The following OPCML variants were observed in gnomAD, a reference collection of about 807,000 sequenced individuals.
The protein encoded by OPCML is opioid-binding protein/cell adhesion molecule.
In OPCML, 13 loss-of-function variants were observed where a neutral mutation model predicts 37.8. The observed-to-expected ratio is 0.34, with a 90% CI of 0.22 to 0.55. The LOEUF (loss-of-function observed/expected upper bound fraction) is 0.55, where lower values mean the gene tolerates loss of function less well. OPCML is among the 20% of genes least tolerant of loss of function. The pLI, the probability that OPCML is intolerant of heterozygous loss-of-function variation, is 0.91. For synonymous variants in OPCML, 176 were observed against 168.8 expected (o/e 1.04, Z -0.33); for missense variants, 341 against 435.6 (o/e 0.78, Z 1.93).
At chr11:132,558,305 TC>T in intron 3 of OPCML, among the ~76,000 whole-genome samples, 1 of 72,346 alleles carries the variant, frequency 1.4e-5, no homozygotes, top group Admixed American at 1.5e-4. Flanking sequence ...TCTCCCCTCC[TC>T]CTCTCCCCCT....
chr11:133,077,388 A>T (rs903084889), intron 1 of OPCML, among the ~76,000 whole-genome samples: 5 of 152,124 alleles, frequency 3.3e-5, no homozygotes, highest in African/African-American at 1.2e-4. Flanking sequence ...GCAATCTGAA[A>T]TCAAGAGTAA....
chr11:132,708,521 T>TC (rs1944129133), intron 2 of OPCML, among the ~76,000 whole-genome samples: 1 of 152,200 alleles, frequency 6.6e-6, no homozygotes, highest in African/African-American at 2.4e-5. Flanking sequence ...TCAGCTATAA[T>TC]CAAAGGGCTT....
At chr11:133,358,705 G>A (rs1944346693) in intron 1 of OPCML, among the ~76,000 whole-genome samples, 1 of 152,200 alleles carries the variant, frequency 6.6e-6, no homozygotes, top group African/African-American at 2.4e-5. Context: ...TGAGACAGTG[G>A]GGTAAGCACA....
intron 1 of OPCML, among the ~76,000 whole-genome samples, chr11:133,259,069 T>C (rs1156823311): frequency 6.6e-6 from 1 of 152,184 alleles, no homozygotes; most frequent in African/African-American, 2.4e-5. Flanking sequence ...CTTTGAAAGT[T>C]AGAGTGGATA....
At chr11:132,948,402 G>A (rs1945791428) in intron 1 of OPCML, among the ~76,000 whole-genome samples, 1 of 152,302 alleles carries the variant, frequency 6.6e-6, no homozygotes, top group African/African-American at 2.4e-5. Context: ...AATATTTCTG[G>A]CAGGCTCTGT....
intron 1 of OPCML, among the ~76,000 whole-genome samples, chr11:133,272,905 T>C (rs1465461299): frequency 6.6e-6 from 1 of 152,182 alleles, no homozygotes; most frequent in African/African-American, 2.4e-5. Flanking sequence ...GAAATGTTAT[T>C]GCTTTCACTC....
At chr11:133,231,867 G>A (rs1316486520) in intron 1 of OPCML, among the ~76,000 whole-genome samples, 1 of 152,182 alleles carries the variant, frequency 6.6e-6, no homozygotes, top group African/African-American at 2.4e-5. Context: ...AGTAAGGAGA[G>A]GGGAGGGAGA....
rs553488843 is a variant in OPCML at position 133,009,191 on chromosome 11, T to C, written c.62-66181A>G. On this transcript the variant is annotated intron_variant, in intron 1 of 7. Coordinates refer to ENST00000524381, the MANE Select transcript of OPCML (RefSeq NM_001012393.5). ...TTTCAAGAAAAATACACATTGTCTCTAACATATGTAGATATAGTCCCTGAT... is the reference window on the plus strand; with the variant it reads ...TTTCAAGAAAAATACACATTGTCTCCAACATATGTAGATATAGTCCCTGAT... 4.3e-5 allele frequency: 42 copies of C among 985,318 alleles called. No homozygotes were observed. The South Asian group carries it at 1.7e-3, about 40-fold the overall frequency. The allele number at this position is 985,318 out of a possible 1,614,324, so 61.0% of individuals were successfully genotyped here. A position where few individuals can be genotyped will look rare whatever the true frequency, so the allele number is the denominator to read the frequency against.
intron 2 of OPCML, among the ~76,000 whole-genome samples, chr11:132,805,901 A>G (rs1382479334): frequency 6.6e-6 from 1 of 152,230 alleles, no homozygotes; most frequent in African/African-American, 2.4e-5. Flanking sequence ...ACTGCTATTT[A>G]TAGCAAAAAT....
chr11:133,196,909 T>A (rs116564338), intron 1 of OPCML, among the ~76,000 whole-genome samples: 1 of 152,312 alleles, frequency 6.6e-6, no homozygotes, highest in East Asian at 1.9e-4. Context: ...CAGGCGCAAT[T>A]CTGTGTACAA....
intron 1 of OPCML, chr11:133,007,745 A>G (rs1947139095): frequency 1.0e-6 from 1 of 985,338 alleles, no homozygotes; most frequent in African/African-American, 1.7e-5. Flanking sequence ...GCCCACACAG[A>G]GTGGTGAAAA....
At chr11:133,407,458 C>T (rs973952320) in intron 1 of OPCML, among the ~76,000 whole-genome samples, 5 of 152,082 alleles carry the variant, frequency 3.3e-5, no homozygotes, top group Admixed American at 1.3e-4. Context: ...AAACTTATCC[C>T]GGCATGCAGT....
rs1471194098 is a variant in OPCML, at chr11:133,013,801, GAAGCACAGTGCTAT to G, written c.62-70805_62-70792del. Among the ~76,000 whole-genome samples, 6 of 152,316 alleles carry G rather than the reference GAAGCACAGTGCTAT, an allele frequency of 3.9e-5. No homozygotes were observed. In the South Asian group the frequency reaches 1.2e-3, roughly 32 times the overall value. ...GAACTGGTCTAGGGCCAGTGTCAGA[GAAGCACAGTGCTAT>G]AATCAATTCCAATTCTCACCTGTTA... is the stretch of plus-strand genomic sequence containing the variant. On this transcript the variant is annotated intron_variant, in intron 1 of 7. Transcript: ENST00000524381.
intron 1 of OPCML, among the ~76,000 whole-genome samples, chr11:133,044,457 G>T (rs1947968314): frequency 6.6e-6 from 1 of 152,086 alleles, no homozygotes; most frequent in Non-Finnish European, 1.5e-5. Context: ...GGGGAAATCG[G>T]CTAGCCCAGT....
chr11:132,858,631 T>A (rs1012144733), intron 2 of OPCML, among the ~76,000 whole-genome samples: 2 of 152,164 alleles, frequency 1.3e-5, no homozygotes, highest in African/African-American at 4.8e-5. Context: ...AGAAATCCCA[T>A]CCAAGTCCTG....
At chr11:132,951,160 C>G (rs753561268) in intron 1 of OPCML, among the ~76,000 whole-genome samples, 3 of 152,150 alleles carry the variant, frequency 2.0e-5, no homozygotes, top group Non-Finnish European at 4.4e-5. Flanking sequence ...GCTGCCACCT[C>G]TGTAAATGGA....
At chr11:133,329,665 T>C (rs1000272384) in intron 1 of OPCML, among the ~76,000 whole-genome samples, 3 of 152,198 alleles carry the variant, frequency 2.0e-5, no homozygotes, top group Non-Finnish European at 2.9e-5. Flanking sequence ...ATCCCTTCCT[T>C]ACACCTTATA....
chr11:133,247,114 G>T (rs1940950740), intron 1 of OPCML, among the ~76,000 whole-genome samples: 1 of 152,166 alleles, frequency 6.6e-6, no homozygotes, highest in African/African-American at 2.4e-5. Flanking sequence ...GCTTAGAAAA[G>T]ACTGAATACT....
chr11:132,811,042 CAG>C (rs1939310379), intron 2 of OPCML, among the ~76,000 whole-genome samples: 1 of 152,154 alleles, frequency 6.6e-6, no homozygotes, highest in African/African-American at 2.4e-5. Flanking sequence ...CTGTCAGTGT[CAG>C]AGAATTTCAT....
Sources: allele counts gnomAD v4.1 joint callset (sites outside exome capture counted in the v4.1 genomes callset), GRCh38; gene constraint gnomAD v4.1.1; transcripts MANE v1.5; gene names NCBI Gene and HGNC (gene_info 2026-07-23, HGNC 2026-07-21).